Variants in RIMKLB observed in about 807,000 individuals in gnomAD.
RIMKLB encodes the protein beta-citrylglutamate synthase B.
RIMKLB carries 7 observed loss-of-function variants against 32.0 expected under a neutral mutation model. That is an observed-to-expected ratio of 0.22 (90% CI 0.12 to 0.41). The LOEUF (loss-of-function observed/expected upper bound fraction) is 0.41. Among genes scored for constraint, RIMKLB ranks in the 10% least tolerant of loss-of-function variants. The pLI, the probability that RIMKLB is intolerant of heterozygous loss-of-function variation, is 1.00. For synonymous variants in RIMKLB, 172 were observed against 185.1 expected, an observed-to-expected ratio of 0.93 and a Z score of 0.57; for missense variants, 289 against 498.7, an observed-to-expected ratio of 0.58 and a Z score of 4.00.
chr12:8,706,049 C>G (rs1187421785), intron 1 of RIMKLB, among the ~76,000 whole-genome samples: 2 of 152,178 alleles, frequency 1.3e-5, no homozygotes, highest in Non-Finnish European at 2.9e-5. Context: ...TAGCTTGGAA[C>G]CATTGCCTCA....
At position 8,740,326 on chromosome 12, in the gene RIMKLB, A is replaced by T. The variant is rs777176544; in HGVS notation, c.176-9536A>T. ...TAGAATACTTTTTTCCCCGATGGTC[A>T]TTATAGACTTATTTTTTACAGTGTT... On this transcript the variant is annotated intron_variant, in intron 2 of 5. Coordinates refer to ENST00000535829, the MANE Select transcript of RIMKLB (RefSeq NM_001297776.2). 3.3e-5 allele frequency among the ~76,000 whole-genome samples: 5 copies of T among 152,286 alleles called. No individual in the cohort carries two copies. In the South Asian group the frequency reaches 1.0e-3, roughly 32 times the overall value.
chr12:8,693,862 G>A (rs1942805035), upstream of RIMKLB, among the ~76,000 whole-genome samples: 4 of 152,120 alleles, frequency 2.6e-5, no homozygotes, highest in Admixed American at 2.6e-4. Context: ...CCCCTGGAGG[G>A]CTCTGAAAAA....
chr12:8,713,158 A>G (rs1944522308), intron 1 of RIMKLB, among the ~76,000 whole-genome samples: 2 of 152,226 alleles, frequency 1.3e-5, no homozygotes, highest in Admixed American at 1.3e-4. Context: ...ACTGGAATAA[A>G]TGAAATTTAG....
At chr12:8,716,557 A>ATTT (rs773708083) in intron 2 of RIMKLB, among the ~76,000 whole-genome samples, 1 of 95,892 alleles carries the variant, frequency 1.0e-5, no homozygotes. Flanking sequence ...TCATGGCTTC[A>ATTT]TTTTTTTTTT....
At chr12:8,675,728 T>C in the RIMKLB span, among the ~76,000 whole-genome samples, 1 of 152,140 alleles carries the variant, frequency 6.6e-6, no homozygotes, top group African/African-American at 2.4e-5. Context: ...CACATAGTTA[T>C]AGCAAACTGA....
At chr12:8,708,422 T>C (rs1361561438) in intron 1 of RIMKLB, among the ~76,000 whole-genome samples, 2 of 152,178 alleles carry the variant, frequency 1.3e-5, no homozygotes, top group South Asian at 2.1e-4. Flanking sequence ...TAGAAATCTT[T>C]TATGCTCTCA....
intron 2 of RIMKLB, among the ~76,000 whole-genome samples, chr12:8,717,090 T>C (rs12322748): frequency 0.031 from 4,752 of 151,068 alleles, 251 homozygotes; most frequent in African/African-American, 0.11. Flanking sequence ...TTACATTTTT[T>C]ATGTATTATT....
intron 1 of RIMKLB, among the ~76,000 whole-genome samples, chr12:8,700,829 G>C (rs982539425): frequency 6.6e-6 from 1 of 152,164 alleles, no homozygotes; most frequent in African/African-American, 2.4e-5. Flanking sequence ...ACTTTGGGAG[G>C]ATGAGGCAAG....
rs1458500671 is a variant in RIMKLB at position 8,775,091 on chromosome 12, T to A, written c.*1307T>A. 18 of 985,674 alleles carry A rather than the reference T, an allele frequency of 1.8e-5. No homozygotes were observed. The highest frequency in any genetic ancestry group is 6.1e-5 in the Admixed American group (1 of 16,264). 61.1% of individuals were successfully genotyped at this position (985,674 alleles called of 1,614,324 possible). A position where few individuals can be genotyped will look rare whatever the true frequency, so the allele number is the denominator to read the frequency against. On this transcript the variant is annotated 3_prime_UTR_variant, in exon 6 of 6. Transcript: ENST00000535829. ...ATGCTTTTTTAGGCCTTTTTGTGTA[T>A]ATGTACGTTGTTTGTTTTTTTCCTT...
In RIMKLB at chr12:8,707,638, C is replaced by T. The variant is rs1011779099; in HGVS notation, c.-56-6173C>T. Among the ~76,000 whole-genome samples, 4 of 152,222 alleles carry T rather than the reference C, an allele frequency of 2.6e-5. 1 individual carries two copies. The Middle Eastern group carries it at 0.014, about 518-fold the overall frequency. On this transcript the variant is annotated intron_variant, in intron 1 of 5. Coordinates refer to ENST00000535829, the MANE Select transcript of RIMKLB (RefSeq NM_001297776.2). ...AGGTTAGGGGATGAGACGGAAGGTT[C>T]CAACCCTCTAATCATGCCTTGGTCT...
In RIMKLB at chr12:8,698,178, T is replaced by C. The variant is rs1388834372; in HGVS notation, c.-176T>C. The C allele has an allele frequency of 6.0e-6, 2 of 336,090 alleles. No individual in the cohort carries two copies. Among genetic ancestry groups the C allele is most frequent in the Non-Finnish European group, 1.2e-5 (2 of 167,708 alleles). 20.8% of individuals were successfully genotyped at this position (336,090 alleles called of 1,614,324 possible). On this transcript the variant is annotated 5_prime_UTR_variant, in exon 1 of 6. Transcript: ENST00000535829. ...AGGAGAAAGGAGGCGGCTCCCGGTA[T>C]CCCGACCCCCTCCCCCTCCTCTCCT...
intron 3 of RIMKLB, among the ~76,000 whole-genome samples, chr12:8,751,089 GAATT>G (rs1948586997): frequency 2.0e-5 from 3 of 152,174 alleles, no homozygotes; most frequent in Non-Finnish European, 2.9e-5. Context: ...AGAAGAGACA[GAATT>G]AATATAAGTT....
At chr12:8,747,943 A>T (rs1485521220) in intron 2 of RIMKLB, among the ~76,000 whole-genome samples, 1 of 152,034 alleles carries the variant, frequency 6.6e-6, no homozygotes, top group African/African-American at 2.4e-5. Flanking sequence ...TTTAGTAGAG[A>T]TGGGGTTTCA....
At chr12:8,778,288 G>C (rs1328205382), downstream of RIMKLB, among the ~76,000 whole-genome samples, 1 of 152,072 alleles carries the variant, frequency 6.6e-6, no homozygotes, top group Non-Finnish European at 1.5e-5. Flanking sequence ...ACTCAACATA[G>C]CATTCATTTT....
intron 2 of RIMKLB, among the ~76,000 whole-genome samples, chr12:8,721,135 A>G (rs1481840800): frequency 6.6e-6 from 1 of 152,146 alleles, no homozygotes; most frequent in Non-Finnish European, 1.5e-5. Context: ...CACCTTGGAG[A>G]TACTGCAGAT....
chr12:8,698,434 C>T lies in RIMKLB; in HGVS notation c.-57+137C>T, dbSNP rs568799910. 18 of 156,534 alleles carry T rather than the reference C, an allele frequency of 1.1e-4. No homozygotes were observed. The South Asian group carries it at 2.8e-3, about 24-fold the overall frequency. The allele number at this position is 156,534 out of a possible 1,614,324, so 9.7% of individuals were successfully genotyped here. On this transcript the variant is annotated intron_variant, in intron 1 of 5. Coordinates refer to ENST00000535829, the MANE Select transcript of RIMKLB (RefSeq NM_001297776.2). Reference sequence around the variant, plus strand: ...CGGGGAGGGGACCGGCCCGAGCGCGCCCGGGGTCCGGGGCTAGTTGAGGCC... The same window carrying T: ...CGGGGAGGGGACCGGCCCGAGCGCGTCCGGGGTCCGGGGCTAGTTGAGGCC...
At chr12:8,675,232 A>C in the RIMKLB span, among the ~76,000 whole-genome samples, 1 of 152,186 alleles carries the variant, frequency 6.6e-6, no homozygotes, top group South Asian at 2.1e-4. Context: ...GACACATTTC[A>C]GTCTTATTTT....
intron 1 of RIMKLB, among the ~76,000 whole-genome samples, chr12:8,705,000 A>ACG (rs1178112609): frequency 6.6e-6 from 1 of 150,956 alleles, no homozygotes; most frequent in Non-Finnish European, 1.5e-5. Flanking sequence ...ACACACACAC[A>ACG]AAACCCCAAA....
At chr12:8,691,334 T>C (rs146695208) in intron 1 of RIMKLB, among the ~76,000 whole-genome samples, 2 of 151,954 alleles carry the variant, frequency 1.3e-5, no homozygotes, top group African/African-American at 4.8e-5. Flanking sequence ...AGGGGTTGGG[T>C]GCAGTGGCTC....
Sources: gnomAD v4.1 joint callset for allele counts (sites outside exome capture counted in the v4.1 genomes callset) on GRCh38, gnomAD v4.1.1 for gene constraint, MANE v1.5 for transcripts, NCBI Gene and HGNC (gene_info 2026-07-23, HGNC 2026-07-21) for gene names.